ITPRID1: variants seen among roughly 807,000 people sequenced by gnomAD.
ITPRID1 encodes ITPR interacting domain containing 1, also known as protein ITPRID1.
In ITPRID1, 96 loss-of-function variants were observed where a neutral mutation model predicts 95.4. That is an observed-to-expected ratio of 1.01 (90% CI 0.85 to 1.19). ITPRID1 has a LOEUF of 1.19. Among genes scored for constraint, ITPRID1 ranks in the 50% most tolerant of loss-of-function variants. The pLI is 0.00. For synonymous variants in ITPRID1, 510 were observed against 453.6 expected (o/e 1.12, Z -1.58); for missense variants, 1,339 against 1,252.9 (o/e 1.07, Z -1.04).
At position 31,643,036 on chromosome 7, in the gene ITPRID1, C is replaced by T; in HGVS notation, c.1666C>T (p.Pro556Ser). ...MPHAEYEVTRPTATSKYDHPL... is the reference protein window; with the variant it reads ...MPHAEYEVTRSTATSKYDHPL... ...CCATGCTGAGTATGAGGTCACCAGA[C>T]CCACAGCCACTTCCAAATATGATCA... is the stretch of plus-strand genomic sequence containing the variant. Residue 556 changes from proline (P) to serine (S), a missense_variant, in exon 12 of 15, where the codon CCC becomes TCC. Physicochemically the swap from Pro to Ser is moderately conservative, Grantham distance 74. Transcript: ENST00000615280. The T allele has an allele frequency of 6.2e-7, 1 of 1,614,012 alleles. No homozygotes were observed. The highest frequency in any genetic ancestry group is 8.5e-7 in the Non-Finnish European group (1 of 1,179,892).
chr7:31,614,012 G>A (rs1787000366), intron 10 of ITPRID1, among the ~76,000 whole-genome samples: 2 of 152,308 alleles, frequency 1.3e-5, no homozygotes, highest in African/African-American at 2.4e-5. Flanking sequence ...TGGCTCAGAG[G>A]AGTAAAGTGA....
Position 31,642,710 on chromosome 7 carries a change from C to G in ITPRID1, c.1340C>G (p.Pro447Arg). Residue 447 changes from proline to arginine, a missense_variant, in exon 12 of 15, where the codon CCT (proline) becomes CGT (arginine). Pro to Arg is a moderately radical substitution (Grantham distance 103). Transcript: ENST00000615280. ...QMPSLPNSQS[P>R]AENGGRKPRD... ...CCTTCCTTGCCAAACAGCCAGAGTCCTGCTGAGAATGGAGGTAGAAAGCCA... is the reference window on the plus strand; with the variant it reads ...CCTTCCTTGCCAAACAGCCAGAGTCGTGCTGAGAATGGAGGTAGAAAGCCA... 6.2e-7 allele frequency: 1 copy of G among 1,613,918 alleles called. No homozygotes were observed. The highest frequency in any genetic ancestry group is 8.5e-7 in the Non-Finnish European group (1 of 1,179,870).
At position 31,643,344 on chromosome 7, in the gene ITPRID1, A is replaced by G. The variant is rs751753704; in HGVS notation, c.1974A>G (p.Gln658=). The change falls in exon 12 of 15, where the codon CAA becomes CAG. Residue 658 remains glutamine (Q), a synonymous_variant. Coordinates refer to ENST00000615280, the MANE Select transcript of ITPRID1 (RefSeq NM_001257967.3). ...EITPYATDLA[Q]TSEKLIPHLH... is the part of the protein sequence containing the mutation. ...CACCTTATGCAACTGACCTTGCTCA[A>G]ACATCTGAAAAGCTCATTCCCCACC... The G allele has an allele frequency of 4.3e-6, 7 of 1,613,824 alleles. No homozygotes were observed. The South Asian group carries it at 7.7e-5, about 18-fold the overall frequency.
rs1189849012 is a variant in ITPRID1, at chr7:31,520,544, TGTGTGTGTGTGTGTGTGTGTGAGAGAGA to T, written c.-98+6426_-98+6453del. On this transcript the variant is annotated intron_variant, in intron 1 of 14. Coordinates refer to ENST00000615280, the MANE Select transcript of ITPRID1 (RefSeq NM_001257967.3). Reference sequence around the variant, plus strand: ...GTGTGTGTGTGTGTGTGTGTGTGTGTGTGTGTGTGTGTGTGTGTGTGAGAGAGAGAGAGAGAGTTTGGCACTTTTCTTA... The same window carrying T: ...GTGTGTGTGTGTGTGTGTGTGTGTGTGAGAGAGAGTTTGGCACTTTTCTTA... Among the ~76,000 whole-genome samples, 298 of 73,168 alleles carry T rather than the reference TGTGTGTGTGTGTGTGTGTGTGAGAGAGA, an allele frequency of 4.1e-3. 2 individuals are homozygous for T. The highest frequency in any genetic ancestry group is 0.021 in the African/African-American group (284 of 13,502). The allele number at this position is 73,168 out of a possible 152,430, so 48.0% of individuals were successfully genotyped here. A position where few individuals can be genotyped will look rare whatever the true frequency, so the allele number is the denominator to read the frequency against.
chr7:31,596,162 TAATAG>T (rs1562596152), intron 10 of ITPRID1, among the ~76,000 whole-genome samples: 1 of 151,206 alleles, frequency 6.6e-6, no homozygotes, highest in Non-Finnish European at 1.5e-5. Context: ...TAAAGTAACA[TAATAG>T]AAAAGATAAA....
intron 10 of ITPRID1, among the ~76,000 whole-genome samples, chr7:31,590,159 C>T (rs370670140): frequency 6.3e-4 from 96 of 152,164 alleles, no homozygotes; most frequent in African/African-American, 2.3e-3. Flanking sequence ...ACCTTGAACT[C>T]CTAGTGTCAA....
intron 1 of ITPRID1, among the ~76,000 whole-genome samples, chr7:31,536,410 T>C (rs1306149984): frequency 6.6e-6 from 1 of 152,198 alleles, no homozygotes; most frequent in East Asian, 1.9e-4. Context: ...AGCTTATTTA[T>C]TATACTTATT....
Position 31,569,808 on chromosome 7 carries a change from A to AG in ITPRID1, c.308+1dup. Reference sequence around the variant, plus strand: ...TCAAATGACTGTGAAAGACTACATGAGGTAGGTAGCAGAATCAGTGTTACT... The same window carrying AG: ...TCAAATGACTGTGAAAGACTACATGAGGGTAGGTAGCAGAATCAGTGTTACT... On this transcript the variant is annotated frameshift_variant and splice_region_variant, in exon 6 of 15. Transcript: ENST00000615280. LOFTEE classifies it high-confidence loss of function. 6.3e-7 allele frequency: 1 copy of AG among 1,583,792 alleles called. No individual in the cohort carries two copies. Among genetic ancestry groups the AG allele is most frequent in the Non-Finnish European group, 8.6e-7 (1 of 1,163,572 alleles).
intron 5 of ITPRID1, among the ~76,000 whole-genome samples, chr7:31,555,853 C>T (rs1341259824): frequency 6.6e-6 from 1 of 151,984 alleles, no homozygotes; most frequent in Non-Finnish European, 1.5e-5. Flanking sequence ...TAAAAGAAAA[C>T]CTATATGTAT....
intron 1 of ITPRID1, among the ~76,000 whole-genome samples, chr7:31,538,178 T>C (rs1472942539): frequency 1.3e-5 from 2 of 152,230 alleles, no homozygotes. Flanking sequence ...AGGACTCTCA[T>C]GTACTCTTCC....
intron 5 of ITPRID1, among the ~76,000 whole-genome samples, chr7:31,564,885 C>T (rs1041560747): frequency 3.9e-5 from 6 of 152,258 alleles, no homozygotes; most frequent in Admixed American, 2.0e-4. Context: ...GAAAGTCTAG[C>T]AACCCCAATC....
At chr7:31,647,713 C>T (rs1388500335) in intron 12 of ITPRID1, among the ~76,000 whole-genome samples, 1 of 104,912 alleles carries the variant, frequency 9.5e-6, no homozygotes, top group Non-Finnish European at 2.0e-5. Context: ...AAGAAGAAGA[C>T]GATGACGACA....
At chr7:31,638,619 A>T (rs924845489) in intron 10 of ITPRID1, among the ~76,000 whole-genome samples, 1 of 152,210 alleles carries the variant, frequency 6.6e-6, no homozygotes, top group East Asian at 1.9e-4. Context: ...TACCCTAAAG[A>T]TGTTACTCAA....
intron 1 of ITPRID1, among the ~76,000 whole-genome samples, chr7:31,541,676 A>G (rs745780715): frequency 5.9e-5 from 9 of 152,152 alleles, no homozygotes; most frequent in African/African-American, 2.2e-4. Flanking sequence ...ATATGTGACA[A>G]TGCTTCCTGT....
At chr7:31,589,766 C>T (rs1263630999) in intron 10 of ITPRID1, among the ~76,000 whole-genome samples, 1 of 152,128 alleles carries the variant, frequency 6.6e-6, no homozygotes, top group East Asian at 1.9e-4. Context: ...AATAACTCAT[C>T]ACCAGCACCC....
intron 2 of ITPRID1, among the ~76,000 whole-genome samples, chr7:31,551,054 TGAA>T (rs1784271440): frequency 1.4e-5 from 2 of 143,396 alleles, no homozygotes; most frequent in South Asian, 2.3e-4. Context: ...CCAAAATCAG[TGAA>T]GGAGTGAGAT....
intron 1 of ITPRID1, among the ~76,000 whole-genome samples, chr7:31,521,752 G>A (rs1046081766): frequency 1.0e-4 from 13 of 124,532 alleles, no homozygotes; most frequent in Admixed American, 7.8e-4. Context: ...ACAGGGCCTC[G>A]TTCTCTCACC....
At chr7:31,596,715 A>G (rs1562596429) in intron 10 of ITPRID1, among the ~76,000 whole-genome samples, 4 of 151,564 alleles carry the variant, frequency 2.6e-5, no homozygotes, top group Non-Finnish European at 5.9e-5. Context: ...TATTAAATGT[A>G]AAAACACCCT....
At chr7:31,574,427 T>G in intron 7 of ITPRID1, 113 bp from the exon 8 acceptor site, 1 of 934,930 alleles carries the variant, frequency 1.1e-6, no homozygotes. Flanking sequence ...CGTTTGTCTA[T>G]TTAGGATCCT....
Sources: allele counts gnomAD v4.1 joint callset (sites outside exome capture counted in the v4.1 genomes callset), GRCh38; gene constraint gnomAD v4.1.1; transcripts MANE v1.5; gene names NCBI Gene and HGNC (gene_info 2026-07-23, HGNC 2026-07-21).